Variants in SLC35F5 observed in about 807,000 individuals in gnomAD.
The protein encoded by SLC35F5 is solute carrier family 35 member F5.
Under a neutral mutation model 68.6 loss-of-function variants are expected in SLC35F5, and 54 were observed. The ratio of observed to expected loss-of-function variants is 0.79; its 90% CI spans 0.63 to 0.99. The LOEUF is 0.99. Among genes scored for constraint, SLC35F5 ranks in the 50% least tolerant of loss-of-function variants. The pLI is 0.00. For missense variants in SLC35F5, 567 were observed against 626.9 expected (o/e 0.90, Z 1.02); for synonymous variants, 211 against 205.2 (o/e 1.03, Z -0.24).
rs1443345828 is a variant in SLC35F5 at position 113,715,191 on chromosome 2, T to A, written c.*27A>T. On this transcript the variant is annotated 3_prime_UTR_variant, in exon 16 of 16. Coordinates refer to ENST00000245680, the MANE Select transcript of SLC35F5 (RefSeq NM_025181.5). ...GTCTCTTCGCTGTATAGTTCCATTA[T>A]CAAGCTAAAAACAGAAACCACAGAA... 6.6e-6 allele frequency: 1 copy of A among 152,208 alleles called. No individual in the cohort carries two copies. Among genetic ancestry groups the A allele is most frequent in the Non-Finnish European group, 1.5e-5 (1 of 68,016 alleles). 9.4% of individuals were successfully genotyped at this position (152,208 alleles called of 1,614,324 possible).
At chr2:113,703,378 G>A (rs144575229), downstream of SLC35F5, among the ~76,000 whole-genome samples, 145 of 152,288 alleles carry the variant, frequency 9.5e-4, no homozygotes, top group African/African-American at 3.3e-3. Flanking sequence ...ATTCTTAGGC[G>A]TAGGAAAAAT....
intron 9 of SLC35F5, 61 bp from the exon 10 acceptor site, chr2:113,731,709 A>C (rs926210620): frequency 1.5e-6 from 2 of 1,337,894 alleles, no homozygotes; most frequent in Non-Finnish European, 2.1e-6. Context: ...AATCATGAAG[A>C]TAAAAATTAT....
rs748261419 is a variant in SLC35F5 at position 113,707,851 on chromosome 2, G to A, written c.*7367C>T. On this transcript the variant is annotated 3_prime_UTR_variant, in exon 16 of 16. Coordinates refer to ENST00000245680, the MANE Select transcript of SLC35F5 (RefSeq NM_025181.5). ...GCTGGGATTACAGGTGTGAGCCACC[G>A]CACCTGGCCTGAATATAAAGACTCA... is the stretch of plus-strand genomic sequence containing the variant. Among the ~76,000 whole-genome samples, 4 of 152,032 alleles carry A rather than the reference G, an allele frequency of 2.6e-5. No homozygotes were observed. Among genetic ancestry groups the A allele is most frequent in the Non-Finnish European group, 5.9e-5 (4 of 67,990 alleles).
chr2:113,753,162 GTTTTTCTT>G (rs1433318384), intron 3 of SLC35F5, among the ~76,000 whole-genome samples: 8 of 50,548 alleles, frequency 1.6e-4, no homozygotes, highest in South Asian at 7.4e-4. Context: ...TCCAAAGTTT[GTTTTTCTT>G]TTTTTTTTTT....
At chr2:113,732,639 T>C (rs1687943743) in intron 9 of SLC35F5, among the ~76,000 whole-genome samples, 2 of 152,188 alleles carry the variant, frequency 1.3e-5, no homozygotes, top group African/African-American at 2.4e-5. Context: ...TATTATTTAT[T>C]GAGTATCCAC....
chr2:113,726,035 T>C (rs1442254028), intron 11 of SLC35F5, among the ~76,000 whole-genome samples: 1 of 152,206 alleles, frequency 6.6e-6, no homozygotes, highest in African/African-American at 2.4e-5. Flanking sequence ...CCCAGACCTC[T>C]AACTAGTTAG....
chr2:113,731,755 A>G (rs1280310099), intron 9 of SLC35F5, 107 bp from the exon 10 acceptor site: 19 of 793,600 alleles, frequency 2.4e-5, no homozygotes, highest in Non-Finnish European at 3.8e-5. Context: ...ACTTTGGGTA[A>G]AACTATCAAA....
chr2:113,723,984 C>T (rs896058296), intron 12 of SLC35F5, among the ~76,000 whole-genome samples: 5 of 152,142 alleles, frequency 3.3e-5, no homozygotes, highest in East Asian at 1.9e-4. Context: ...GTTAGGACTA[C>T]AGATCCATGG....
chr2:113,738,838 G>C (rs1372628743), intron 7 of SLC35F5, among the ~76,000 whole-genome samples: 2 of 152,050 alleles, frequency 1.3e-5, no homozygotes, highest in Non-Finnish European at 2.9e-5. Context: ...AATGCATACT[G>C]GGTTTAGAAG....
At chr2:113,723,653 GA>G (rs1258176468) in intron 12 of SLC35F5, among the ~76,000 whole-genome samples, 1 of 152,064 alleles carries the variant, frequency 6.6e-6, no homozygotes, top group Non-Finnish European at 1.5e-5. Flanking sequence ...TCACCTTCAT[GA>G]ACACTAAAAT....
intron 7 of SLC35F5, chr2:113,741,920 T>C (rs1378924978): frequency 6.6e-6 from 1 of 152,130 alleles, no homozygotes; most frequent in Non-Finnish European, 1.5e-5. Context: ...GCTAATAACA[T>C]TGACATTAGC....
In SLC35F5 at chr2:113,729,410, T is replaced by C. The variant is rs760664006; in HGVS notation, c.1081A>G (p.Met361Val). ...VDREDKLDIP[M>V]FFGFVGLFNL... ...TTACATATATTCTTACCAAAGAACA[T>C]TGGAATATCCAACTTGTCTTCTCTA... The change falls in exon 11 of 16, where the codon ATG becomes GTG. Residue 361 changes from methionine to valine, a missense_variant. Met to Val is a conservative substitution (Grantham distance 21, BLOSUM62 1). Coordinates refer to ENST00000245680, the MANE Select transcript of SLC35F5 (RefSeq NM_025181.5). 28 of 1,491,364 alleles carry C rather than the reference T, an allele frequency of 1.9e-5. No homozygotes were observed. Among genetic ancestry groups the C allele is most frequent in the South Asian group, 2.3e-5 (2 of 85,138 alleles). 92.4% of individuals were successfully genotyped at this position (1,491,364 alleles called of 1,614,324 possible).
chr2:113,706,063 C>T (rs1233242014), downstream of SLC35F5, among the ~76,000 whole-genome samples: 4 of 152,186 alleles, frequency 2.6e-5, no homozygotes, highest in African/African-American at 7.2e-5. Context: ...ACTGTGACAT[C>T]TTCGCAGGCT....
In SLC35F5 at chr2:113,756,460, G is replaced by A. The variant is rs754279652; in HGVS notation, c.-51C>T. Reference sequence around the variant, plus strand: ...CGCCCAGCGCCACGGCCGCGGCCTCGGACTCACAGAGCTGTCACCGCGCCT... The same window carrying A: ...CGCCCAGCGCCACGGCCGCGGCCTCAGACTCACAGAGCTGTCACCGCGCCT... On this transcript the variant is annotated 5_prime_UTR_variant, in exon 1 of 16. Coordinates refer to ENST00000245680, the MANE Select transcript of SLC35F5 (RefSeq NM_025181.5). 2 of 1,536,024 alleles carry A rather than the reference G, an allele frequency of 1.3e-6. No homozygotes were observed. Among genetic ancestry groups the A allele is most frequent in the East Asian group, 2.5e-5 (1 of 40,764 alleles).
rs1483203667 is a variant in SLC35F5, at chr2:113,709,653, T to C, written c.*5565A>G. Among the ~76,000 whole-genome samples the C allele has an allele frequency of 6.6e-6, 1 of 152,196 alleles. No homozygotes were observed. The highest frequency in any genetic ancestry group is 1.5e-5 in the Non-Finnish European group (1 of 68,038). On this transcript the variant is annotated 3_prime_UTR_variant, in exon 16 of 16. Transcript: ENST00000245680. ...AGAAGGAATCCAACGTCAGAGTTAG[T>C]GCTCTTCTCAGAGTAATAATCTGCA...
chr2:113,746,793 G>C lies in SLC35F5; in HGVS notation c.418-454C>G, dbSNP rs545766823. Among the ~76,000 whole-genome samples, 311 of 152,148 alleles carry C rather than the reference G, an allele frequency of 2.0e-3. 3 individuals carry two copies. Among genetic ancestry groups the C allele is most frequent in the African/African-American group, 7.1e-3 (296 of 41,502 alleles). ...TACAAAAAAATTAGCTAGCAGTGTTGGCAGGTGCCTGTCATCTTAGCTACT... is the reference window on the plus strand; with the variant it reads ...TACAAAAAAATTAGCTAGCAGTGTTCGCAGGTGCCTGTCATCTTAGCTACT... On this transcript the variant is annotated intron_variant, in intron 4 of 15. Transcript: ENST00000245680.
chr2:113,719,306 C>T lies in SLC35F5; in HGVS notation c.1344G>A (p.Val448=), dbSNP rs147867048. 4.8e-5 allele frequency: 74 copies of T among 1,542,336 alleles called. No individual in the cohort carries two copies. In the African/African-American group the frequency reaches 9.5e-4, roughly 20 times the overall value. ...SIIADMCMQK[V]QFSWLFFAGA... ...CTGCAAAAAATAACCAAGAAAACTGCACCTAAAAATAAAAGATAGAGGAAA... is the reference window on the plus strand; with the variant it reads ...CTGCAAAAAATAACCAAGAAAACTGTACCTAAAAATAAAAGATAGAGGAAA... Residue 448 remains valine, a splice_region_variant and synonymous_variant, in exon 14 of 16, where the codon GTG becomes GTA. Transcript: ENST00000245680.
In SLC35F5 at chr2:113,711,664, A is replaced by G. The variant is rs1345964424; in HGVS notation, c.*3554T>C. Among the ~76,000 whole-genome samples the G allele has an allele frequency of 2.6e-5, 4 of 152,224 alleles. No individual in the cohort carries two copies. Among genetic ancestry groups the G allele is most frequent in the Admixed American group, 6.5e-5 (1 of 15,278 alleles). Reference sequence around the variant, plus strand: ...AACATCTCATTAATGCCACTTCACCATTTAAAAAAGTCAGCACACAATGTT... The same window carrying G: ...AACATCTCATTAATGCCACTTCACCGTTTAAAAAAGTCAGCACACAATGTT... On this transcript the variant is annotated 3_prime_UTR_variant, in exon 16 of 16. Transcript: ENST00000245680.
At chr2:113,750,095 A>G (rs1192321808) in intron 4 of SLC35F5, among the ~76,000 whole-genome samples, 1 of 152,224 alleles carries the variant, frequency 6.6e-6, no homozygotes, top group Non-Finnish European at 1.5e-5. Flanking sequence ...GAGGATACTC[A>G]TCCAATCTGC....
Sources: gnomAD v4.1 joint callset for allele counts (sites outside exome capture counted in the v4.1 genomes callset) on GRCh38, gnomAD v4.1.1 for gene constraint, MANE v1.5 for transcripts, NCBI Gene and HGNC (gene_info 2026-07-23, HGNC 2026-07-21) for gene names.